Variants in RANBP2 observed in about 807,000 individuals in gnomAD.
RANBP2 encodes the protein E3 SUMO-protein ligase RanBP2.
Under a neutral mutation model 303.6 loss-of-function variants are expected in RANBP2, and 57 were observed. The observed-to-expected ratio is 0.19, with a 90% CI of 0.15 to 0.23. RANBP2 has a LOEUF of 0.23. Among genes scored for constraint, RANBP2 ranks in the 10% least tolerant of loss-of-function variants. The pLI is 1.00. For synonymous variants in RANBP2, 1,167 were observed against 1,301.5 expected (o/e 0.90, Z 2.23); for missense variants, 3,138 against 3,780.8 (o/e 0.83, Z 4.46).
chr2:109,590,106 GTA>G, the RANBP2 span, among the ~76,000 whole-genome samples: 29 of 142,402 alleles, frequency 2.0e-4, no homozygotes, highest in African/African-American at 7.5e-4. Flanking sequence ...ACATATATAT[GTA>G]TGTATATATA....
chr2:109,496,776 G>A, the RANBP2 span, among the ~76,000 whole-genome samples: 6,761 of 114,818 alleles, frequency 0.059, 196 homozygotes, highest in Non-Finnish European at 0.08. Context: ...ACCATACATG[G>A]CAAAGAGAAA....
In RANBP2 at chr2:108,754,669, A is replaced by G. The variant is rs562797238; in HGVS notation, c.2203-236A>G. Among the ~76,000 whole-genome samples, 70 of 152,178 alleles carry G rather than the reference A, an allele frequency of 4.6e-4. No individual in the cohort carries two copies. In the South Asian group the frequency reaches 5.0e-3, roughly 11 times the overall value. On this transcript the variant is annotated intron_variant, in intron 15 of 28. Coordinates refer to ENST00000283195, the MANE Select transcript of RANBP2 (RefSeq NM_006267.5). ...GAATCAGAAGATGTTAGATTGTACA[A>G]CACTTTTCTGTGTTCATGAAGAAAA...
chr2:109,398,775 G>C, the RANBP2 span: 1 of 1,613,706 alleles, frequency 6.2e-7, no homozygotes, highest in Admixed American at 1.7e-5. Flanking sequence ...AGAACACCAA[G>C]AAACGCCACT....
the RANBP2 span, among the ~76,000 whole-genome samples, chr2:109,423,406 G>A: frequency 6.6e-6 from 1 of 152,132 alleles, no homozygotes; most frequent in Admixed American, 6.5e-5. Flanking sequence ...ATTTGTGCGT[G>A]TGGTCAAAAG....
At chr2:108,902,540 G>T in the RANBP2 span, among the ~76,000 whole-genome samples, 12 of 152,148 alleles carry the variant, frequency 7.9e-5, no homozygotes, top group Non-Finnish European at 1.6e-4. Flanking sequence ...ATTCTATGAG[G>T]GTAGTATAAA....
At chr2:108,805,071 CAAATT>C in the RANBP2 span, 4 of 925,744 alleles carry the variant, frequency 4.3e-6, no homozygotes, top group Admixed American at 6.9e-5. Context: ...TTATATATAA[CAAATT>C]AAAGTCAGCC....
At chr2:108,781,001 G>A (rs528889743) in intron 25 of RANBP2, among the ~76,000 whole-genome samples, 226 of 151,526 alleles carry the variant, frequency 1.5e-3, no homozygotes, top group African/African-American at 3.5e-3. Flanking sequence ...GAGCCACTGC[G>A]CCCAGCCTAA....
chr2:109,556,046 C>CAGAGCTCTCT, the RANBP2 span, among the ~76,000 whole-genome samples: 1 of 152,160 alleles, frequency 6.6e-6, no homozygotes, highest in Non-Finnish European at 1.5e-5. Context: ...GACTATCCAG[C>CAGAGCTCTCT]AGAGCTCTCT....
chr2:109,213,763 C>A, the RANBP2 span, among the ~76,000 whole-genome samples: 4 of 152,146 alleles, frequency 2.6e-5, no homozygotes, highest in Non-Finnish European at 4.4e-5. Context: ...TAAATAGGAA[C>A]GTGACGTGGT....
intron 17 of RANBP2, among the ~76,000 whole-genome samples, chr2:108,756,137 A>G (rs1324060127): frequency 1.3e-5 from 2 of 152,232 alleles, no homozygotes; most frequent in Non-Finnish European, 2.9e-5. Flanking sequence ...CGTGGCACAG[A>G]GAAGGTTCCT....
the RANBP2 span, among the ~76,000 whole-genome samples, chr2:109,272,040 G>A: frequency 6.6e-6 from 1 of 152,086 alleles, no homozygotes; most frequent in Non-Finnish European, 1.5e-5. Flanking sequence ...TGACATTGGG[G>A]TGCTGCCCTG....
the RANBP2 span, among the ~76,000 whole-genome samples, chr2:108,831,152 C>G: frequency 3.3e-5 from 5 of 151,928 alleles, no homozygotes; most frequent in Non-Finnish European, 2.9e-5. Flanking sequence ...GCACTCCAGC[C>G]TGAGTTATAG....
chr2:108,873,412 T>C, the RANBP2 span: 1 of 1,438,092 alleles, frequency 7.0e-7, no homozygotes, highest in Non-Finnish European at 9.2e-7. Flanking sequence ...CCTTTTTCGC[T>C]ACTCCCTAAT....
At chr2:108,940,348 G>A in the RANBP2 span, 1 of 152,432 alleles carries the variant, frequency 6.6e-6, no homozygotes, top group African/African-American at 2.4e-5. Context: ...GGTGCAGGGA[G>A]GGAGGACGTA....
the RANBP2 span, among the ~76,000 whole-genome samples, chr2:109,111,293 T>C: frequency 6.6e-6 from 1 of 152,208 alleles, no homozygotes; most frequent in Non-Finnish European, 1.5e-5. Context: ...CAAAGGTTTA[T>C]ATTTACTGAT....
At chr2:108,822,712 A>G in the RANBP2 span, among the ~76,000 whole-genome samples, 1 of 152,262 alleles carries the variant, frequency 6.6e-6, no homozygotes, top group Non-Finnish European at 1.5e-5. Context: ...GGGTCAAAGA[A>G]GAAATCCCAA....
chr2:109,624,919 A>G, the RANBP2 span, among the ~76,000 whole-genome samples: 1 of 151,866 alleles, frequency 6.6e-6, no homozygotes, highest in African/African-American at 2.4e-5. Context: ...CGTCTCTACT[A>G]AAAATACAAA....
chr2:108,954,825 G>A, the RANBP2 span, among the ~76,000 whole-genome samples: 184 of 152,112 alleles, frequency 1.2e-3, no homozygotes, highest in Middle Eastern at 0.027. Flanking sequence ...ACAGGCGCCC[G>A]CCACCATGGC....
chr2:109,318,329 C>A, the RANBP2 span, among the ~76,000 whole-genome samples: 1 of 152,036 alleles, frequency 6.6e-6, no homozygotes, highest in African/African-American at 2.4e-5. Context: ...CCTCCCGGCC[C>A]CCAGCCCGGT....
Sources: gnomAD v4.1 joint callset for allele counts (sites outside exome capture counted in the v4.1 genomes callset) on GRCh38, gnomAD v4.1.1 for gene constraint, MANE v1.5 for transcripts, NCBI Gene and HGNC (gene_info 2026-07-23, HGNC 2026-07-21) for gene names.